Variants in UBN2 observed in about 807,000 individuals in gnomAD.
The protein encoded by UBN2 is ubinuclein-2.
A neutral mutation model predicts 120.2 loss-of-function variants in UBN2; 35 were observed. The ratio of observed to expected loss-of-function variants is 0.29; its 90% confidence interval spans 0.22 to 0.39. UBN2 has a LOEUF of 0.39. UBN2 is among the 10% of genes least tolerant of loss of function. The pLI is 1.00. For missense variants in UBN2, 1,693 were observed against 1,663.2 expected (o/e 1.02, Z -0.31); for synonymous variants, 661 against 648.7 (o/e 1.02, Z -0.29).
the UBN2 span, among the ~76,000 whole-genome samples, chr7:139,317,817 C>T: frequency 6.6e-6 from 1 of 152,242 alleles, no homozygotes; most frequent in East Asian, 1.9e-4. Flanking sequence ...TGCCCGCCAC[C>T]ATGCCCAGGT....
At chr7:139,322,829 C>T in the UBN2 span, among the ~76,000 whole-genome samples, 202 of 152,108 alleles carry the variant, frequency 1.3e-3, 1 homozygote, top group African/African-American at 4.6e-3. Flanking sequence ...TGGGCCACCA[C>T]GCCAGGCTGG....
chr7:139,283,153 A>G lies in UBN2; in HGVS notation c.2248A>G (p.Ile750Val), dbSNP rs1375078764. The G allele has an allele frequency of 1.9e-6, 3 of 1,612,194 alleles. No homozygotes were observed. The highest frequency in any genetic ancestry group is 2.2e-5 in the South Asian group (2 of 90,930). Reference sequence around the variant, plus strand: ...TAGCTCTGCACCAGCCCAAGAAACCATCTGCCTCGACGACTCACTAGATGA... The same window carrying G: ...TAGCTCTGCACCAGCCCAAGAAACCGTCTGCCTCGACGACTCACTAGATGA... ...SSSSAPAQETICLDDSLDEDL... is the reference protein window; with the variant it reads ...SSSSAPAQETVCLDDSLDEDL... Residue 750 changes from isoleucine to valine, a missense_variant, in exon 15 of 18, where the codon ATC becomes GTC. By Grantham distance (29) the Ile-to-Val change is conservative. Coordinates refer to ENST00000473989, the MANE Select transcript of UBN2 (RefSeq NM_173569.4).
intron 7 of UBN2, among the ~76,000 whole-genome samples, chr7:139,267,012 T>G (rs995552742): frequency 6.6e-6 from 1 of 152,188 alleles, no homozygotes; most frequent in African/African-American, 2.4e-5. Context: ...GCACTCAGAG[T>G]TTGATACTAA....
At chr7:139,309,417 T>G (rs1308253102), downstream of UBN2, among the ~76,000 whole-genome samples, 1 of 152,224 alleles carries the variant, frequency 6.6e-6, no homozygotes, top group East Asian at 1.9e-4. Context: ...CAAAAGTGTG[T>G]TGTTGTCAGC....
rs779239585 is a variant in UBN2 at position 139,284,157 on chromosome 7, G to T, written c.3252G>T (p.Lys1084Asn). ...TTTCTAAATCCAACCCAACTCCCAAGCCTACTGTATCCCCAAGTAGTTCCA... is the reference window on the plus strand; with the variant it reads ...TTTCTAAATCCAACCCAACTCCCAATCCTACTGTATCCCCAAGTAGTTCCA... The part of the protein sequence containing the change: ...KLISKSNPTP[K>N]PTVSPSSSSP... The change falls in exon 15 of 18, where the codon AAG (lysine) becomes AAT (asparagine). Residue 1084 changes from lysine (K) to asparagine (N), a missense_variant. Lys to Asn is a moderately conservative substitution (Grantham distance 94). Around this residue, in one of 5 missense-constraint regions of UBN2, gnomAD observed 837 missense variants for 817.6 expected, o/e 1.02. Coordinates refer to ENST00000473989, the MANE Select transcript of UBN2 (RefSeq NM_173569.4). 23 of 1,613,830 alleles carry T rather than the reference G, an allele frequency of 1.4e-5. No homozygotes were observed. Among genetic ancestry groups the T allele is most frequent in the Non-Finnish European group, 1.9e-5 (22 of 1,180,010 alleles).
chr7:139,297,236 G>T (rs1456119978), intron 17 of UBN2, among the ~76,000 whole-genome samples: 3 of 151,450 alleles, frequency 2.0e-5, no homozygotes, highest in African/African-American at 7.3e-5. Flanking sequence ...CCCAGTAGCA[G>T]ACTTTCCTGT....
chr7:139,251,279 C>CTGTTGTTGACATCTTGCAA (rs1489143323), intron 2 of UBN2, among the ~76,000 whole-genome samples: 1 of 152,134 alleles, frequency 6.6e-6, no homozygotes, highest in Admixed American at 6.5e-5. Context: ...CCACTGTCCC[C>CTGTTGTTGACATCTTGCAA]TGTTGTTGAC....
At chr7:139,317,363 G>T in the UBN2 span, among the ~76,000 whole-genome samples, 6 of 151,792 alleles carry the variant, frequency 4.0e-5, no homozygotes, top group Admixed American at 2.0e-4. Context: ...TAGAGACAGG[G>T]TCTCACAACA....
downstream of UBN2, among the ~76,000 whole-genome samples, chr7:139,312,494 C>G (rs1463550561): frequency 2.0e-5 from 3 of 152,162 alleles, no homozygotes; most frequent in Admixed American, 2.0e-4. Flanking sequence ...GATAGTTAGT[C>G]TTCCCTTCTG....
intron 14 of UBN2, 149 bp downstream of exon 14, chr7:139,282,204 C>T (rs1797634690): frequency 7.1e-6 from 4 of 566,518 alleles, no homozygotes; most frequent in Non-Finnish European, 6.2e-6. Flanking sequence ...GAGTCAAATA[C>T]TTTTATCTTT....
chr7:139,261,776 G>C, intron 6 of UBN2, 35 bp downstream of exon 6: 1 of 1,578,194 alleles, frequency 6.3e-7, no homozygotes, highest in Non-Finnish European at 8.6e-7. Context: ...TTTATTTGCT[G>C]CACAAACATA....
At chr7:139,279,075 A>T (rs1437884855) in intron 12 of UBN2, among the ~76,000 whole-genome samples, 1 of 151,944 alleles carries the variant, frequency 6.6e-6, no homozygotes. Flanking sequence ...TTTACATTTA[A>T]TTTTTTAAAA....
At chr7:139,272,519 T>TATGTATGTATGTATGA (rs1797310257) in intron 9 of UBN2, 79 bp downstream of exon 9, 1 of 821,064 alleles carries the variant, frequency 1.2e-6, no homozygotes, top group East Asian at 2.6e-5. Flanking sequence ...TGTATGTATG[T>TATGTATGTATGTATGA]ATGTATGTAT....
intron 12 of UBN2, among the ~76,000 whole-genome samples, chr7:139,277,937 T>C (rs115873483): frequency 6.4e-4 from 98 of 152,326 alleles, no homozygotes; most frequent in African/African-American, 2.3e-3. Context: ...GAGAACCGTT[T>C]AACAGTATAC....
Position 139,273,393 on chromosome 7 carries a change from C to T in UBN2, c.1812C>T (p.His604=), listed in dbSNP as rs750772422. ...KRVIGPRKKF[H]WDDTIRTLLC... The stretch of plus-strand genomic sequence containing the variant: ...TCATAGGACCAAGAAAGAAATTCCA[C>T]TGGGATGACACTATCAGGTAAGATT... Residue 604 remains histidine, a synonymous_variant, in exon 10 of 18, where the codon CAC becomes CAT. Coordinates refer to ENST00000473989, the MANE Select transcript of UBN2 (RefSeq NM_173569.4). 1.9e-6 allele frequency: 3 copies of T among 1,598,796 alleles called. No individual in the cohort carries two copies. The highest frequency in any genetic ancestry group is 2.7e-5 in the African/African-American group (2 of 74,770).
downstream of UBN2, among the ~76,000 whole-genome samples, chr7:139,312,824 A>G (rs907669965): frequency 2.0e-5 from 3 of 152,186 alleles, no homozygotes; most frequent in African/African-American, 4.8e-5. Context: ...CCACCTTTGT[A>G]TACTGTGTAA....
intron 7 of UBN2, among the ~76,000 whole-genome samples, chr7:139,268,718 T>A (rs1361710586): frequency 6.6e-6 from 1 of 152,202 alleles, no homozygotes; most frequent in Non-Finnish European, 1.5e-5. Flanking sequence ...GCCGGGCAAT[T>A]GCCAGTGGGC....
rs1202474258 is a variant in UBN2, at chr7:139,303,844, G to T, written c.*6008G>T. ...GGTGGGATAAAATGTTTAGTTTCAG[G>T]TTAACAAGGGAGAGAAATAACACTA... On this transcript the variant is annotated 3_prime_UTR_variant, in exon 18 of 18. Coordinates refer to ENST00000473989, the MANE Select transcript of UBN2 (RefSeq NM_173569.4). The T allele has an allele frequency of 6.6e-6, 1 of 152,090 alleles. No individual in the cohort carries two copies. Among genetic ancestry groups the T allele is most frequent in the African/African-American group, 2.4e-5 (1 of 41,406 alleles). 9.4% of individuals were successfully genotyped at this position (152,090 alleles called of 1,614,324 possible). A position where few individuals can be genotyped will look rare whatever the true frequency, so the allele number is the denominator to read the frequency against.
chr7:139,247,098 A>G (rs1208010454), intron 2 of UBN2, among the ~76,000 whole-genome samples: 1 of 152,048 alleles, frequency 6.6e-6, no homozygotes, highest in South Asian at 2.1e-4. Flanking sequence ...GTTAGGTCCA[A>G]TGGTAACTGT....
Sources: allele counts gnomAD v4.1 joint callset (sites outside exome capture counted in the v4.1 genomes callset), GRCh38; gene constraint gnomAD v4.1.1; regional missense constraint gnomAD v4.1.1; transcripts MANE v1.5; gene names NCBI Gene and HGNC (gene_info 2026-07-23, HGNC 2026-07-21).